IL1RAPL2: variants seen among roughly 807,000 people sequenced by gnomAD.
The protein encoded by IL1RAPL2 is interleukin 1 receptor accessory protein like 2, also known as X-linked interleukin-1 receptor accessory protein-like 2.
In IL1RAPL2, 3 loss-of-function variants were observed where a neutral mutation model predicts 44.1. That is an observed-to-expected ratio of 0.07 (90% CI 0.03 to 0.18). IL1RAPL2 has a LOEUF of 0.18. Among genes scored for constraint, IL1RAPL2 ranks in the 10% least tolerant of loss-of-function variants. IL1RAPL2 has a pLI of 1.00. For synonymous variants in IL1RAPL2, 181 were observed against 178.8 expected, an observed-to-expected ratio of 1.01 and a Z score of -0.10; for missense variants, 391 against 496.4, an observed-to-expected ratio of 0.79 and a Z score of 2.02.
intron 6 of IL1RAPL2, among the ~76,000 whole-genome samples, chrX:105,611,963 A>T (rs1262102634): frequency 1.8e-5 from 2 of 111,825 alleles, no homozygotes; most frequent in African/African-American, 6.5e-5. Flanking sequence ...TTATGTGGCT[A>T]TGAGCCTTTG....
intron 3 of IL1RAPL2, among the ~76,000 whole-genome samples, chrX:105,227,262 C>G (rs1228015294): frequency 8.9e-6 from 1 of 111,756 alleles, no homozygotes; most frequent in African/African-American, 3.3e-5. Context: ...TATGCCCCCA[C>G]AAATCCTTGT....
At chrX:105,547,408 A>G (rs2036811627) in intron 6 of IL1RAPL2, among the ~76,000 whole-genome samples, 1 of 112,391 alleles carries the variant, frequency 8.9e-6, no homozygotes. Flanking sequence ...TTTACTTGTT[A>G]CTAGAAGACC....
At chrX:104,706,385 T>G (rs1411758604) in intron 2 of IL1RAPL2, among the ~76,000 whole-genome samples, 2 of 112,134 alleles carry the variant, frequency 1.8e-5, no homozygotes, top group Non-Finnish European at 3.8e-5. Context: ...ATTATCTCAG[T>G]TTTACAGATA....
chrX:105,575,945 A>G (rs960808864), intron 6 of IL1RAPL2, among the ~76,000 whole-genome samples: 3 of 110,107 alleles, frequency 2.7e-5, no homozygotes, highest in Non-Finnish European at 3.8e-5. Flanking sequence ...CTTTTTTTTC[A>G]TGTTTGTTGG....
chrX:105,041,418 G>C (rs892208596), intron 2 of IL1RAPL2, among the ~76,000 whole-genome samples: 1 of 110,361 alleles, frequency 9.1e-6, no homozygotes, highest in Non-Finnish European at 1.9e-5. Flanking sequence ...AGCTGAGTTC[G>C]ATTCCTGGGT....
At chrX:104,809,535 G>A (rs1289146064) in intron 2 of IL1RAPL2, among the ~76,000 whole-genome samples, 1 of 110,426 alleles carries the variant, frequency 9.1e-6, no homozygotes, top group East Asian at 2.8e-4. Flanking sequence ...CTTTTGAGAA[G>A]TGTCTGTTCA....
intron 2 of IL1RAPL2, among the ~76,000 whole-genome samples, chrX:104,797,660 G>A (rs935345955): frequency 1.8e-5 from 2 of 111,749 alleles, no homozygotes; most frequent in Admixed American, 9.5e-5. Context: ...CCTTTAAGAG[G>A]TAGATTCATT....
intron 6 of IL1RAPL2, among the ~76,000 whole-genome samples, chrX:105,632,114 C>T (rs912453429): frequency 1.7e-4 from 19 of 109,620 alleles, no homozygotes; most frequent in African/African-American, 6.3e-4. Context: ...TATGGCTTAA[C>T]TCGGCTGACA....
intron 5 of IL1RAPL2, among the ~76,000 whole-genome samples, chrX:105,353,436 A>T (rs1379980353): frequency 2.7e-5 from 3 of 111,362 alleles, no homozygotes; most frequent in Admixed American, 9.6e-5. Context: ...TTCCATATGA[A>T]CTTTAAAGTA....
At chrX:104,817,767 A>ATT (rs2147621822) in intron 2 of IL1RAPL2, among the ~76,000 whole-genome samples, 1 of 112,215 alleles carries the variant, frequency 8.9e-6, no homozygotes, top group South Asian at 3.8e-4. Flanking sequence ...GAATACAGAT[A>ATT]AAATAATAAG....
At chrX:104,713,122 A>C (rs769792654) in intron 2 of IL1RAPL2, among the ~76,000 whole-genome samples, 1 of 110,617 alleles carries the variant, frequency 9.0e-6, no homozygotes, top group East Asian at 2.9e-4. Flanking sequence ...TATGTACTGC[A>C]TGGGCCCTGG....
chrX:105,003,553 T>C (rs1215423028), intron 2 of IL1RAPL2, among the ~76,000 whole-genome samples: 1 of 111,167 alleles, frequency 9.0e-6, no homozygotes, highest in Admixed American at 9.6e-5. Context: ...TAATTACTTT[T>C]TTTATCCTCT....
At chrX:104,851,744 T>C (rs867668368) in intron 2 of IL1RAPL2, among the ~76,000 whole-genome samples, 3 of 111,577 alleles carry the variant, frequency 2.7e-5, no homozygotes, top group African/African-American at 9.8e-5. Context: ...AACAGACTTA[T>C]TTAGTTCACA....
chrX:105,595,748 T>A (rs2037204839), intron 6 of IL1RAPL2, among the ~76,000 whole-genome samples: 1 of 111,263 alleles, frequency 9.0e-6, no homozygotes, highest in Non-Finnish European at 1.9e-5. Flanking sequence ...TGGTATTAAT[T>A]CTTTGAATGC....
chrX:104,958,048 C>A (rs924013590), intron 2 of IL1RAPL2, among the ~76,000 whole-genome samples: 1 of 111,960 alleles, frequency 8.9e-6, no homozygotes, highest in Non-Finnish European at 1.9e-5. Flanking sequence ...GCTATGATTG[C>A]ATCACTGCAT....
At chrX:104,688,833 A>G in intron 2 of IL1RAPL2, among the ~76,000 whole-genome samples, 1 of 112,218 alleles carries the variant, frequency 8.9e-6, no homozygotes, top group Non-Finnish European at 1.9e-5. Flanking sequence ...AACTTTTTTA[A>G]TATTTAAAAT....
At chrX:105,048,916 A>G (rs2031879361) in intron 2 of IL1RAPL2, among the ~76,000 whole-genome samples, 1 of 112,276 alleles carries the variant, frequency 8.9e-6, no homozygotes, top group African/African-American at 3.2e-5. Context: ...TACAGACTTA[A>G]TGCCTTTATC....
At chrX:105,360,833 A>G (rs902923308) in intron 5 of IL1RAPL2, among the ~76,000 whole-genome samples, 1 of 111,539 alleles carries the variant, frequency 9.0e-6, no homozygotes, top group African/African-American at 3.3e-5. Flanking sequence ...GCCGTTTCCA[A>G]AGTATTTCCC....
chrX:104,591,583 T>C (rs1370710823), intron 1 of IL1RAPL2, among the ~76,000 whole-genome samples: 1 of 107,825 alleles, frequency 9.3e-6, no homozygotes, highest in Non-Finnish European at 1.9e-5. Context: ...GTGTTGGTTA[T>C]AGAAAAAGAA....
Sources: allele counts gnomAD v4.1 joint callset (sites outside exome capture counted in the v4.1 genomes callset), GRCh38; gene constraint gnomAD v4.1.1; transcripts MANE v1.5; gene names NCBI Gene and HGNC (gene_info 2026-07-23, HGNC 2026-07-21).